Variants in MMP10 observed in about 807,000 individuals in gnomAD.
The protein encoded by MMP10 is stromelysin-2.
Under a neutral mutation model 49.1 loss-of-function variants are expected in MMP10, and 50 were observed. That is an observed-to-expected ratio of 1.02 (90% confidence interval 0.81 to 1.29). The LOEUF (loss-of-function observed/expected upper bound fraction) is 1.29. Ranked by LOEUF, MMP10 falls within the 50% of genes most tolerant of loss-of-function variation. The pLI, the probability that MMP10 is intolerant of heterozygous loss-of-function variation, is 0.00. For missense variants in MMP10, 613 were observed against 563.8 expected, an observed-to-expected ratio of 1.09 and a Z score of -0.88; for synonymous variants, 229 against 201.6, an observed-to-expected ratio of 1.14 and a Z score of -1.15.
rs1310836067 is a variant in MMP10 at position 102,773,022 on chromosome 11, A to G, written c.1067-16T>C. On this transcript the variant is annotated splice_polypyrimidine_tract_variant and intron_variant, in intron 7 of 9. Coordinates refer to ENST00000279441, the MANE Select transcript of MMP10 (RefSeq NM_002425.3). Reference sequence around the variant, plus strand: ...AACTCATTTCCTATTGAAAAAATAAATCCAAGACATTTTACTTGAAGCCAT... The same window carrying G: ...AACTCATTTCCTATTGAAAAAATAAGTCCAAGACATTTTACTTGAAGCCAT... The G allele has an allele frequency of 1.9e-6, 3 of 1,575,994 alleles. No individual in the cohort carries two copies. In the South Asian group the frequency reaches 3.6e-5, roughly 19 times the overall value.
At chr11:102,779,877 A>T (rs539313319) in intron 1 of MMP10, 132 bp from the exon 2 acceptor site, 4 of 1,021,128 alleles carry the variant, frequency 3.9e-6, no homozygotes, top group Middle Eastern at 3.2e-4. Context: ...ATTTTTCATT[A>T]AGACTCCCCA....
At position 102,779,566 on chromosome 11, in the gene MMP10, G is replaced by A. The variant is rs140654514; in HGVS notation, c.285C>T (p.Asp95=). Residue 95 remains aspartate, a synonymous_variant, in exon 2 of 10, where the codon GAC becomes GAT. Coordinates refer to ENST00000279441, the MANE Select transcript of MMP10 (RefSeq NM_002425.3). ...VMRKPRCGVP[D]VGHFSSFPGM... is the part of the protein sequence containing the mutation. ...CAGGAAAGGAGCTGAAGTGACCAACGTCAGGAACTCCACACCTGGGCTTGC... is the reference window on the plus strand; with the variant it reads ...CAGGAAAGGAGCTGAAGTGACCAACATCAGGAACTCCACACCTGGGCTTGC... The A allele has an allele frequency of 6.6e-5, 107 of 1,614,040 alleles. No individual in the cohort carries two copies. The African/African-American group carries it at 6.7e-4, about 10-fold the overall frequency.
At position 102,777,366 on chromosome 11, in the gene MMP10, G is replaced by A. The variant is rs17860966; in HGVS notation, c.623-590C>T. On this transcript the variant is annotated intron_variant, in intron 4 of 9. Transcript: ENST00000279441. ...TGGAGTATGTGTCCAAGCGATTCTC[G>A]TGCCTCAGCCTCCTGAGTAGCTGTG... Among the ~76,000 whole-genome samples, 486 of 151,458 alleles carry A rather than the reference G, an allele frequency of 3.2e-3. 4 individuals are homozygous for A. The highest frequency in any genetic ancestry group is 0.011 in the African/African-American group (458 of 41,290).
At chr11:102,770,924 C>A (rs763327271) in intron 9 of MMP10, 31 bp from the exon 10 acceptor site, 28 of 1,404,210 alleles carry the variant, frequency 2.0e-5, no homozygotes, top group Middle Eastern at 3.5e-4. Context: ...AATGATGAGA[C>A]ATCTTCAAAT....
Position 102,780,547 on chromosome 11 carries a change from G to C in MMP10, c.45C>G (p.Cys15Trp). 6.2e-7 allele frequency: 1 copy of C among 1,613,984 alleles called. No individual in the cohort carries two copies. Among genetic ancestry groups the C allele is most frequent in the Non-Finnish European group, 8.5e-7 (1 of 1,179,948 alleles). ...AFLVLLCLPV[C>W]SAYPLSGAAK... ...CTGCCCCACTCAGAGGATAGGCAGA[G>C]CAGACTGGCAGACACAACAGCACAA... The change falls in exon 1 of 10, where the codon TGC becomes TGG. Residue 15 changes from cysteine (C) to tryptophan (W), a missense_variant. Physicochemically the swap from Cys to Trp is radical, Grantham distance 215. Coordinates refer to ENST00000279441, the MANE Select transcript of MMP10 (RefSeq NM_002425.3).
chr11:102,771,720 T>G (rs1340377484), intron 9 of MMP10, among the ~76,000 whole-genome samples: 3 of 152,062 alleles, frequency 2.0e-5, no homozygotes. Flanking sequence ...TATACCAACA[T>G]AGTGACCTGA....
chr11:102,779,458 A>G, intron 2 of MMP10, 46 bp downstream of exon 2: 1 of 1,609,380 alleles, frequency 6.2e-7, no homozygotes, highest in South Asian at 1.1e-5. Context: ...ATGACGAGTA[A>G]CTTATAAGGT....
Position 102,772,031 on chromosome 11 carries a change from A to T in MMP10, c.1311T>A (p.Asp437Glu), listed in dbSNP as rs1349310676. The change falls in exon 9 of 10, where the codon GAT becomes GAA. Residue 437 changes from aspartate (D) to glutamate (E), a missense_variant. Asp to Glu is a conservative substitution (Grantham distance 45, BLOSUM62 2). Transcript: ENST00000279441. The surrounding 1 kb of genome is among the most constrained non-coding windows in gnomAD (Gnocchi z 4.4). ...DDFPGVEPKV[D>E]AVLQAFGFFY... is the part of the protein sequence containing the mutation. ...TCTTACCAAATGCCTGTAATACAGCATCAACCTTAGGCTCAACTCCTGGAA... is the reference window on the plus strand; with the variant it reads ...TCTTACCAAATGCCTGTAATACAGCTTCAACCTTAGGCTCAACTCCTGGAA... 1.2e-6 allele frequency: 2 copies of T among 1,611,586 alleles called. No homozygotes were observed. Among genetic ancestry groups the T allele is most frequent in the Non-Finnish European group, 1.7e-6 (2 of 1,177,800 alleles).
intron 6 of MMP10, among the ~76,000 whole-genome samples, 168 bp from the exon 7 acceptor site, chr11:102,775,489 G>T (rs1862013392): frequency 6.6e-6 from 1 of 152,080 alleles, no homozygotes; most frequent in Non-Finnish European, 1.5e-5. Context: ...ACTTGTGACT[G>T]GTTCCAGTAA....
rs2134349546 is a variant in MMP10, at chr11:102,775,324, G to A, written c.933-3C>T. 2 of 1,584,972 alleles carry A rather than the reference G, an allele frequency of 1.3e-6. No homozygotes were observed. Among genetic ancestry groups the A allele is most frequent in the South Asian group, 1.2e-5 (1 of 84,318 alleles). On this transcript the variant is annotated splice_region_variant and splice_polypyrimidine_tract_variant and intron_variant, in intron 6 of 9. Transcript: ENST00000279441. ...AGTGGGATCTTCGCCAAAAATATCTGTAATACATAAAATTACTTGCAATTG... is the reference window on the plus strand; with the variant it reads ...AGTGGGATCTTCGCCAAAAATATCTATAATACATAAAATTACTTGCAATTG...
chr11:102,775,381 TC>T lies in MMP10; in HGVS notation c.933-61del, dbSNP rs1346552140. On this transcript the variant is annotated intron_variant, in intron 6 of 9. Transcript: ENST00000279441. Reference sequence around the variant, plus strand: ...TCTTTTAGATATGTGAAAAAAAAATTCTTTTTTTTTAAATCCATGCTAATTC... The same window carrying T: ...TCTTTTAGATATGTGAAAAAAAAATTTTTTTTTTTAAATCCATGCTAATTC... The T allele has an allele frequency of 4.9e-6, 7 of 1,432,436 alleles. No homozygotes were observed. In the African/African-American group the frequency reaches 8.7e-5, roughly 18 times the overall value. 88.7% of individuals were successfully genotyped at this position (1,432,436 alleles called of 1,614,324 possible). A position where few individuals can be genotyped will look rare whatever the true frequency, so the allele number is the denominator to read the frequency against.
At chr11:102,776,519 G>A (rs1382907175) in intron 5 of MMP10, 93 bp downstream of exon 5, 2 of 1,574,910 alleles carry the variant, frequency 1.3e-6, no homozygotes, top group African/African-American at 2.7e-5. Flanking sequence ...AGTGCTTCAG[G>A]CCAAATCAGA....
In MMP10 at chr11:102,778,822, T is replaced by C. The variant is rs994375411; in HGVS notation, c.497-73A>G. The stretch of plus-strand genomic sequence containing the variant: ...TTACCCTGTTCCAATTAAACAACAG[T>C]AGATTCTATAGTCTGAATGTTGGTG... On this transcript the variant is annotated intron_variant, in intron 3 of 9. Coordinates refer to ENST00000279441, the MANE Select transcript of MMP10 (RefSeq NM_002425.3). The C allele has an allele frequency of 2.0e-6, 3 of 1,536,030 alleles. No individual in the cohort carries two copies. In the African/African-American group the frequency reaches 4.2e-5, roughly 21 times the overall value.
rs768934214 is a variant in MMP10, at chr11:102,780,577, T to A, written c.15A>T (p.Ala5=). Residue 5 remains alanine (A), a synonymous_variant, in exon 1 of 10, where the codon GCA becomes GCT. Transcript: ENST00000279441. MMHL[A]FLVLLCLPVC... ...CTGGCAGACACAACAGCACAAGGAA[T>A]GCAAGATGCATCATTCTCACTGCCC... is the stretch of plus-strand genomic sequence containing the variant. The A allele has an allele frequency of 1.2e-6, 2 of 1,613,854 alleles. No individual in the cohort carries two copies. The highest frequency in any genetic ancestry group is 1.1e-5 in the South Asian group (1 of 91,010).
chr11:102,771,233 TATA>T (rs1286267979), intron 9 of MMP10, among the ~76,000 whole-genome samples: 1 of 152,220 alleles, frequency 6.6e-6, no homozygotes, highest in East Asian at 1.9e-4. Context: ...GATAAAATTC[TATA>T]ATATTTTAAA....
At position 102,770,602 on chromosome 11, in the gene MMP10, G is replaced by C; in HGVS notation, c.*191C>G. The C allele has an allele frequency of 4.0e-6, 2 of 503,742 alleles. No homozygotes were observed. The highest frequency in any genetic ancestry group is 7.0e-6 in the Non-Finnish European group (2 of 287,500). 31.2% of individuals were successfully genotyped at this position (503,742 alleles called of 1,614,324 possible). On this transcript the variant is annotated 3_prime_UTR_variant, in exon 10 of 10. Transcript: ENST00000279441. ...TTGCACATGAGTATTTCTTAATTCTGTTCAGTGCAATTCAAAAGCAAGTGA... is the reference window on the plus strand; with the variant it reads ...TTGCACATGAGTATTTCTTAATTCTCTTCAGTGCAATTCAAAAGCAAGTGA...
Position 102,772,031 on chromosome 11 carries a change from A to G in MMP10, c.1311T>C (p.Asp437=). 1 of 1,611,586 alleles carries G rather than the reference A, an allele frequency of 6.2e-7. No individual in the cohort carries two copies. The highest frequency in any genetic ancestry group is 8.5e-7 in the Non-Finnish European group (1 of 1,177,800). ...DDFPGVEPKV[D]AVLQAFGFFY... Reference sequence around the variant, plus strand: ...TCTTACCAAATGCCTGTAATACAGCATCAACCTTAGGCTCAACTCCTGGAA... The same window carrying G: ...TCTTACCAAATGCCTGTAATACAGCGTCAACCTTAGGCTCAACTCCTGGAA... Residue 437 remains aspartate, a synonymous_variant, in exon 9 of 10, where the codon GAT becomes GAC. Transcript: ENST00000279441. This position sits in a 1 kb window ranked among gnomAD's most constrained non-coding sequence, Gnocchi z 4.4.
chr11:102,779,447 T>C, intron 2 of MMP10, 57 bp downstream of exon 2: 2 of 1,609,736 alleles, frequency 1.2e-6, no homozygotes, highest in Non-Finnish European at 1.7e-6. Context: ...CTTATCCAAA[T>C]ATGACGAGTA....
intron 7 of MMP10, 81 bp from the exon 8 acceptor site, chr11:102,773,087 A>G (rs918388605): frequency 8.7e-6 from 12 of 1,380,788 alleles, no homozygotes; most frequent in Non-Finnish European, 1.1e-5. Flanking sequence ...TGTGGTAAAG[A>G]GGAAGGCTTG....
Sources: allele counts gnomAD v4.1 joint callset (sites outside exome capture counted in the v4.1 genomes callset), GRCh38; gene constraint gnomAD v4.1.1; non-coding constraint Gnocchi (gnomAD v3.1); transcripts MANE v1.5; gene names NCBI Gene and HGNC (gene_info 2026-07-23, HGNC 2026-07-21).